INPP4A: variants seen among roughly 807,000 people sequenced by gnomAD.
INPP4A encodes inositol polyphosphate-4-phosphatase type I A, also known as inositol polyphosphate-4-phosphatase, type I, 107kD.
Under a neutral mutation model 119.8 loss-of-function variants are expected in INPP4A, and 33 were observed. The observed-to-expected ratio is 0.28, with a 90% confidence interval of 0.21 to 0.37. The LOEUF (loss-of-function observed/expected upper bound fraction) is 0.37, where lower values mean the gene tolerates loss of function less well. Ranked by LOEUF, INPP4A falls within the 10% of genes least tolerant of loss-of-function variation. The pLI, the probability that INPP4A is intolerant of heterozygous loss-of-function variation, is 1.00. For synonymous variants in INPP4A, 496 were observed against 500.7 expected (o/e 0.99, Z 0.12); for missense variants, 956 against 1,289.9 (o/e 0.74, Z 3.97).
intron 1 of INPP4A, among the ~76,000 whole-genome samples, chr2:98,459,693 C>T (rs1007802261): frequency 1.3e-5 from 2 of 152,216 alleles, no homozygotes; most frequent in Non-Finnish European, 2.9e-5. Flanking sequence ...GGGACAATAG[C>T]TTGGTTTTCT....
intron 17 of INPP4A, among the ~76,000 whole-genome samples, chr2:98,562,515 A>G (rs1008567216): frequency 9.9e-5 from 15 of 152,144 alleles, no homozygotes; most frequent in Non-Finnish European, 2.2e-4. Flanking sequence ...GGCCTGGCGC[A>G]TTCTGTGGCT....
chr2:98,506,818 C>T (rs551182681), intron 1 of INPP4A, among the ~76,000 whole-genome samples: 2 of 152,314 alleles, frequency 1.3e-5, no homozygotes, highest in East Asian at 1.9e-4. Flanking sequence ...TGGAGTGGCC[C>T]ACAATGCGGG....
At chr2:98,529,879 T>G (rs1008406310) in intron 4 of INPP4A, among the ~76,000 whole-genome samples, 1 of 152,164 alleles carries the variant, frequency 6.6e-6, no homozygotes. Context: ...TCTGTGAAGG[T>G]AAATGAAGGA....
intron 3 of INPP4A, 62 bp from the exon 4 acceptor site, chr2:98,520,625 T>C: frequency 9.5e-7 from 1 of 1,057,566 alleles, no homozygotes; most frequent in Admixed American, 2.4e-5. Flanking sequence ...TTTGTGCATT[T>C]AATCTGAAAA....
intron 22 of INPP4A, chr2:98,572,088 G>C (rs1190160478): frequency 6.6e-6 from 1 of 152,444 alleles, no homozygotes; most frequent in Non-Finnish European, 1.5e-5. Context: ...GGATTCCGGC[G>C]CTGTGGCTGT....
At chr2:98,564,578 TCTGA>T in intron 18 of INPP4A, 58 bp from the exon 19 acceptor site, 3 of 1,604,202 alleles carry the variant, frequency 1.9e-6, no homozygotes. Flanking sequence ...CTGGGCATGA[TCTGA>T]CTGCCATTTG....
At chr2:98,457,779 A>G (rs983420575) in intron 1 of INPP4A, among the ~76,000 whole-genome samples, 5 of 152,086 alleles carry the variant, frequency 3.3e-5, no homozygotes, top group Admixed American at 2.6e-4. Flanking sequence ...GATGTTGACT[A>G]TATTAGGGAG....
At chr2:98,459,202 G>T (rs1696692495) in intron 1 of INPP4A, among the ~76,000 whole-genome samples, 1 of 152,170 alleles carries the variant, frequency 6.6e-6, no homozygotes, top group African/African-American at 2.4e-5. Context: ...CCTCGGCCAG[G>T]GGCTTGCCCC....
intron 1 of INPP4A, among the ~76,000 whole-genome samples, chr2:98,484,899 T>G (rs1351430948): frequency 1.3e-5 from 2 of 152,166 alleles, no homozygotes; most frequent in Admixed American, 1.3e-4. Flanking sequence ...AGGCTGCTAT[T>G]TAATCTTTCA....
intron 24 of INPP4A, among the ~76,000 whole-genome samples, chr2:98,586,284 G>C (rs3754875): frequency 0.24 from 35,624 of 151,492 alleles, 4,311 homozygotes; most frequent in Middle Eastern, 0.35. Flanking sequence ...ACATGTTCTT[G>C]ATAATGAGAC....
At chr2:98,509,716 C>G (rs539926302) in intron 1 of INPP4A, among the ~76,000 whole-genome samples, 1 of 152,372 alleles carries the variant, frequency 6.6e-6, no homozygotes, top group South Asian at 2.1e-4. Flanking sequence ...ATTGACACAT[C>G]TCACTCATCT....
chr2:98,460,978 CAG>C (rs962329929), intron 1 of INPP4A, among the ~76,000 whole-genome samples: 45 of 152,160 alleles, frequency 3.0e-4, no homozygotes, highest in Non-Finnish European at 5.1e-4. Context: ...TTAATTGTCT[CAG>C]GGGCTCTCCC....
At chr2:98,472,924 T>C (rs532712663) in intron 1 of INPP4A, among the ~76,000 whole-genome samples, 1 of 152,156 alleles carries the variant, frequency 6.6e-6, no homozygotes, top group Non-Finnish European at 1.5e-5. Flanking sequence ...GGGAGTGCCC[T>C]AGGCAGGAGA....
intron 1 of INPP4A, among the ~76,000 whole-genome samples, chr2:98,467,232 G>A (rs966160691): frequency 5.9e-5 from 9 of 152,122 alleles, no homozygotes; most frequent in Non-Finnish European, 1.3e-4. Context: ...GTGGTTGGGG[G>A]AGGGCATTAA....
At chr2:98,458,818 C>T (rs1362170819) in intron 1 of INPP4A, among the ~76,000 whole-genome samples, 1 of 152,132 alleles carries the variant, frequency 6.6e-6, no homozygotes, top group African/African-American at 2.4e-5. Flanking sequence ...TTCCACATTG[C>T]ATCTCCAGAC....
chr2:98,460,354 T>G (rs1465026996), intron 1 of INPP4A, among the ~76,000 whole-genome samples: 2 of 151,514 alleles, frequency 1.3e-5, no homozygotes, highest in African/African-American at 4.9e-5. Flanking sequence ...TCTTCAGAGA[T>G]AAATGAGGAG....
chr2:98,513,658 A>G (rs1039828636), intron 1 of INPP4A, among the ~76,000 whole-genome samples: 5 of 152,246 alleles, frequency 3.3e-5, no homozygotes, highest in African/African-American at 1.2e-4. Flanking sequence ...GCAAGCCTGC[A>G]CACAGGCCAG....
intron 17 of INPP4A, among the ~76,000 whole-genome samples, chr2:98,562,346 G>T (rs1449207060): frequency 6.6e-6 from 1 of 152,144 alleles, no homozygotes; most frequent in South Asian, 2.1e-4. Context: ...CTTTAGGTTG[G>T]TTTCTCAGTG....
At chr2:98,463,457 G>A (rs1362362980) in intron 1 of INPP4A, among the ~76,000 whole-genome samples, 1 of 152,252 alleles carries the variant, frequency 6.6e-6, no homozygotes, top group Admixed American at 6.5e-5. Context: ...GGAAGGCAAC[G>A]GCCTGGGCAG....
Sources: gnomAD v4.1 joint callset for allele counts (sites outside exome capture counted in the v4.1 genomes callset) on GRCh38, gnomAD v4.1.1 for gene constraint, MANE v1.5 for transcripts, NCBI Gene and HGNC (gene_info 2026-07-23, HGNC 2026-07-21) for gene names.